The following GNAL variants were observed in gnomAD, a reference collection of about 807,000 sequenced individuals.
GNAL encodes the protein G protein subunit alpha L.
Under a neutral mutation model 55.1 loss-of-function variants are expected in GNAL, and 18 were observed. That is an observed-to-expected ratio of 0.33 (90% confidence interval 0.23 to 0.48). The LOEUF (loss-of-function observed/expected upper bound fraction) is 0.48. Among genes scored for constraint, GNAL ranks in the 20% least tolerant of loss-of-function variants. GNAL has a pLI of 0.99. For missense variants in GNAL, 412 were observed against 614.1 expected (o/e 0.67, Z 3.48); for synonymous variants, 253 against 237.0 (o/e 1.07, Z -0.62).
chr18:11,848,848 T>C (rs1231905603), intron 5 of GNAL, among the ~76,000 whole-genome samples: 1 of 152,224 alleles, frequency 6.6e-6, no homozygotes, highest in African/African-American at 2.4e-5. Context: ...CTTCTTTCTT[T>C]AGGCTACATG....
intron 1 of GNAL, among the ~76,000 whole-genome samples, chr18:11,715,923 G>A (rs7226612): frequency 0.013 from 1,974 of 151,688 alleles, 39 homozygotes; most frequent in African/African-American, 0.045. Flanking sequence ...CATTAGAGAA[G>A]TGCAAATCAA....
chr18:11,822,637 T>G (rs547262336), intron 4 of GNAL, among the ~76,000 whole-genome samples: 139 of 152,088 alleles, frequency 9.1e-4, no homozygotes, highest in African/African-American at 3.2e-3. Context: ...ATTAAAAAGA[T>G]CAATTTCTCA....
intron 4 of GNAL, among the ~76,000 whole-genome samples, chr18:11,755,014 GT>G (rs1406738062): frequency 4.6e-5 from 7 of 152,040 alleles, no homozygotes; most frequent in Non-Finnish European, 8.8e-5. Context: ...GTGTGTGTGT[GT>G]GTGTGTGTGT....
intron 5 of GNAL, chr18:11,851,991 G>A: frequency 3.1e-6 from 5 of 1,613,728 alleles, no homozygotes; most frequent in African/African-American, 2.7e-5. Context: ...CAGATGAGGC[G>A]GGCCTCGACC....
At chr18:11,715,492 A>G (rs2031942705) in intron 1 of GNAL, among the ~76,000 whole-genome samples, 3 of 151,824 alleles carry the variant, frequency 2.0e-5, no homozygotes, top group Non-Finnish European at 4.4e-5. Context: ...AAGAAAACAA[A>G]TGAGCACAGG....
chr18:11,858,260 G>GA (rs112982650), intron 5 of GNAL, among the ~76,000 whole-genome samples: 20,059 of 150,892 alleles, frequency 0.13, 2,018 homozygotes, highest in African/African-American at 0.28. Flanking sequence ...AGGAAATAAT[G>GA]AAAAAAAAAT....
intron 4 of GNAL, among the ~76,000 whole-genome samples, chr18:11,804,819 G>C (rs112358820): frequency 8.5e-5 from 11 of 129,772 alleles, no homozygotes; most frequent in East Asian, 2.4e-4. Context: ...TACAGGTGCA[G>C]TTTGAGTGGA....
chr18:11,740,753 G>A (rs187750788), intron 1 of GNAL, among the ~76,000 whole-genome samples: 1 of 152,292 alleles, frequency 6.6e-6, no homozygotes. Context: ...TGCAATGAGG[G>A]AATCCCTTTT....
At chr18:11,744,078 A>G (rs1029194832) in intron 1 of GNAL, among the ~76,000 whole-genome samples, 1 of 152,296 alleles carries the variant, frequency 6.6e-6, no homozygotes, top group Non-Finnish European at 1.5e-5. Context: ...TTAAACTCCT[A>G]TCTGTGCCAC....
chr18:11,800,668 A>G (rs2034499981), intron 4 of GNAL, among the ~76,000 whole-genome samples: 2 of 152,230 alleles, frequency 1.3e-5, no homozygotes, highest in African/African-American at 4.8e-5. Context: ...ACTCAGGTAC[A>G]GCAGAAATCA....
intron 1 of GNAL, among the ~76,000 whole-genome samples, chr18:11,725,980 C>T (rs572133986): frequency 6.6e-6 from 1 of 152,304 alleles, no homozygotes; most frequent in Non-Finnish European, 1.5e-5. Flanking sequence ...TGCCTGTGAC[C>T]GTTCGGTCCC....
chr18:11,728,151 C>T (rs1470167233), intron 1 of GNAL, among the ~76,000 whole-genome samples: 1 of 152,040 alleles, frequency 6.6e-6, no homozygotes, highest in East Asian at 1.9e-4. Flanking sequence ...GAGATTGAGG[C>T]CACAGTGCGC....
At chr18:11,876,202 G>C (rs1381529459) in intron 10 of GNAL, among the ~76,000 whole-genome samples, 2 of 152,202 alleles carry the variant, frequency 1.3e-5, no homozygotes, top group Admixed American at 6.5e-5. Flanking sequence ...TGTTTGGCTG[G>C]GCGCAGTGAC....
At chr18:11,749,573 C>A (rs961906208) in intron 1 of GNAL, among the ~76,000 whole-genome samples, 11 of 152,114 alleles carry the variant, frequency 7.2e-5, no homozygotes, top group Non-Finnish European at 1.6e-4. Flanking sequence ...GTACCGGTGC[C>A]GCAGGTACAA....
chr18:11,804,113 C>T (rs1308356622), intron 4 of GNAL, among the ~76,000 whole-genome samples: 18 of 146,650 alleles, frequency 1.2e-4, no homozygotes, highest in Non-Finnish European at 1.8e-4. Context: ...GAGTGGAACA[C>T]GGAGATACTG....
intron 4 of GNAL, among the ~76,000 whole-genome samples, chr18:11,766,275 A>G (rs570951002): frequency 6.6e-6 from 1 of 152,348 alleles, no homozygotes; most frequent in East Asian, 1.9e-4. Flanking sequence ...CACCTTTAAA[A>G]TAATCTCATA....
chr18:11,885,037 C>G lies in GNAL; in HGVS notation c.*3902C>G. 1 of 1,294,764 alleles carries G rather than the reference C, an allele frequency of 7.7e-7. No individual in the cohort carries two copies. Among genetic ancestry groups the G allele is most frequent in the Non-Finnish European group, 1.0e-6 (1 of 992,538 alleles). 80.2% of individuals were successfully genotyped at this position (1,294,764 alleles called of 1,614,324 possible). ...TGCCCCTTGATGCTCAACTAAGCATCTGTTCCCTAGAAATACATGTGTCCA... is the reference window on the plus strand; with the variant it reads ...TGCCCCTTGATGCTCAACTAAGCATGTGTTCCCTAGAAATACATGTGTCCA... On this transcript the variant is annotated 3_prime_UTR_variant, in exon 12 of 12. Transcript: ENST00000334049.
chr18:11,855,085 T>A (rs1188703838), intron 5 of GNAL, among the ~76,000 whole-genome samples: 1 of 151,992 alleles, frequency 6.6e-6, no homozygotes, highest in Admixed American at 6.5e-5. Flanking sequence ...CACACCTGGC[T>A]AATTTTTGTT....
chr18:11,803,055 ATATAT>A (rs1381354072), intron 4 of GNAL, among the ~76,000 whole-genome samples: 2 of 152,186 alleles, frequency 1.3e-5, no homozygotes, highest in African/African-American at 2.4e-5. Context: ...TGTTTTCATA[ATATAT>A]TCTTTTATTG....
Sources: allele counts gnomAD v4.1 joint callset (sites outside exome capture counted in the v4.1 genomes callset), GRCh38; gene constraint gnomAD v4.1.1; transcripts MANE v1.5; gene names NCBI Gene and HGNC (gene_info 2026-07-23, HGNC 2026-07-21).